Variants in ZC3H12B observed in about 807,000 individuals in gnomAD.
ZC3H12B encodes zinc finger CCCH-type containing 12B.
Under a neutral mutation model 43.9 loss-of-function variants are expected in ZC3H12B, and 7 were observed. That is an observed-to-expected ratio of 0.16 (90% CI 0.09 to 0.30). ZC3H12B has a LOEUF of 0.30. ZC3H12B is among the 10% of genes least tolerant of loss of function. The pLI is 1.00. For synonymous variants in ZC3H12B, 222 were observed against 241.7 expected, an observed-to-expected ratio of 0.92 and a Z score of 0.76; for missense variants, 475 against 670.2, an observed-to-expected ratio of 0.71 and a Z score of 3.22.
chrX:65,290,479 C>T, the ZC3H12B span, among the ~76,000 whole-genome samples: 1 of 110,865 alleles, frequency 9.0e-6, no homozygotes, highest in African/African-American at 3.3e-5. Context: ...GTAGAATTAC[C>T]ATTCACTTAA....
chrX:65,198,125 A>G, the ZC3H12B span, among the ~76,000 whole-genome samples: 1 of 111,842 alleles, frequency 8.9e-6, no homozygotes, highest in Non-Finnish European at 1.9e-5. Flanking sequence ...CAATTTTTCC[A>G]CCAAAATTGG....
At chrX:65,222,642 AATAATAAT>A in the ZC3H12B span, among the ~76,000 whole-genome samples, 93 of 103,530 alleles carry the variant, frequency 9.0e-4, 1 homozygote, top group Admixed American at 3.0e-3. Flanking sequence ...TAATAATAAT[AATAATAAT>A]AAAACACTTA....
the ZC3H12B span, among the ~76,000 whole-genome samples, chrX:65,069,733 T>C: frequency 2.7e-5 from 3 of 112,026 alleles, no homozygotes; most frequent in Middle Eastern, 4.2e-3. Flanking sequence ...TTAGTTCTTT[T>C]TATGTGATGA....
the ZC3H12B span, among the ~76,000 whole-genome samples, chrX:65,054,283 G>T: frequency 9.0e-6 from 1 of 111,639 alleles, no homozygotes; most frequent in Non-Finnish European, 1.9e-5. Context: ...ATTAATTTTT[G>T]TATAAGGTGT....
At chrX:65,276,996 C>T in the ZC3H12B span, among the ~76,000 whole-genome samples, 1 of 111,474 alleles carries the variant, frequency 9.0e-6, no homozygotes, top group East Asian at 2.8e-4. Flanking sequence ...TCTGTAAAGA[C>T]ACACGTAGAC....
chrX:65,167,157 A>G, the ZC3H12B span, among the ~76,000 whole-genome samples: 4 of 111,752 alleles, frequency 3.6e-5, no homozygotes, highest in Non-Finnish European at 7.5e-5. Flanking sequence ...GTTTTCTTCT[A>G]GGGTTTTTAT....
intron 1 of ZC3H12B, 115 bp from the exon 7 acceptor site, chrX:65,497,017 G>T: frequency 4.1e-6 from 2 of 492,735 alleles, no homozygotes; most frequent in Non-Finnish European, 6.0e-6. Flanking sequence ...GAGAAAGAAA[G>T]AAAAGAATGT....
At chrX:65,429,690 A>T (rs1375691612) in intron 3 of ZC3H12B, among the ~76,000 whole-genome samples, 1 of 112,268 alleles carries the variant, frequency 8.9e-6, no homozygotes, top group Non-Finnish European at 1.9e-5. Context: ...TCTCTGTCCC[A>T]GGGAGAGTTC....
chrX:65,353,093 G>T, the ZC3H12B span, among the ~76,000 whole-genome samples: 1 of 110,859 alleles, frequency 9.0e-6, no homozygotes, highest in African/African-American at 3.3e-5. Context: ...TTGAGCTCAA[G>T]CTATCTGCCC....
chrX:65,212,228 T>C, the ZC3H12B span, among the ~76,000 whole-genome samples: 1 of 4,950 alleles, frequency 2.0e-4, no homozygotes, highest in African/African-American at 2.7e-4. Context: ...ATATATTATA[T>C]TATATAGTAT....
the ZC3H12B span, among the ~76,000 whole-genome samples, chrX:65,300,622 G>T: frequency 9.0e-6 from 1 of 110,838 alleles, no homozygotes; most frequent in South Asian, 3.8e-4. Context: ...GGAAGACTAT[G>T]GCCCTGCCCA....
chrX:65,409,904 T>G (rs1314744981), intron 3 of ZC3H12B, among the ~76,000 whole-genome samples: 1 of 110,664 alleles, frequency 9.0e-6, no homozygotes, highest in Non-Finnish European at 1.9e-5. Context: ...AATCTACAGA[T>G]TCAATGTAAT....
the ZC3H12B span, among the ~76,000 whole-genome samples, chrX:65,176,454 C>T: frequency 4.5e-5 from 5 of 111,423 alleles, no homozygotes; most frequent in Non-Finnish European, 7.5e-5. Flanking sequence ...CAGTTGTGGG[C>T]GCAACTTCTG....
At chrX:65,497,086 C>T in intron 1 of ZC3H12B, 46 bp from the exon 7 acceptor site, 2 of 1,130,924 alleles carry the variant, frequency 1.8e-6, no homozygotes, top group African/African-American at 1.9e-5. Context: ...TATTTCTTTG[C>T]TATCTATTAT....
chrX:65,089,877 C>A, the ZC3H12B span, among the ~76,000 whole-genome samples: 1 of 111,439 alleles, frequency 9.0e-6, no homozygotes, highest in Non-Finnish European at 1.9e-5. Context: ...CCCTCAACAT[C>A]TTTTCCCACT....
At chrX:65,215,028 T>A in the ZC3H12B span, among the ~76,000 whole-genome samples, 1 of 111,449 alleles carries the variant, frequency 9.0e-6, no homozygotes, top group African/African-American at 3.3e-5. Flanking sequence ...AGAATTCTTT[T>A]TTCTAATGAG....
At chrX:65,213,023 T>G in the ZC3H12B span, among the ~76,000 whole-genome samples, 1 of 109,039 alleles carries the variant, frequency 9.2e-6, no homozygotes, top group African/African-American at 3.3e-5. Context: ...TTTCACTTCT[T>G]TATTTTTTAT....
chrX:65,118,131 G>C, the ZC3H12B span, among the ~76,000 whole-genome samples: 1 of 111,238 alleles, frequency 9.0e-6, no homozygotes, highest in Non-Finnish European at 1.9e-5. Flanking sequence ...GGATGGCATT[G>C]AATCTATAAA....
chrX:65,184,225 G>T, the ZC3H12B span, among the ~76,000 whole-genome samples: 1 of 111,475 alleles, frequency 9.0e-6, no homozygotes, highest in Non-Finnish European at 1.9e-5. Context: ...TATCTTGATA[G>T]CAGAGACCAT....
Sources: allele counts gnomAD v4.1 joint callset (sites outside exome capture counted in the v4.1 genomes callset), GRCh38; gene constraint gnomAD v4.1.1; transcripts MANE v1.5; gene names NCBI Gene and HGNC (gene_info 2026-07-23, HGNC 2026-07-21).